Variants in MASP1 observed in about 807,000 individuals in gnomAD.
The protein encoded by MASP1 is mannan-binding lectin serine protease 1.
A neutral mutation model predicts 77.1 loss-of-function variants in MASP1; 59 were observed. The observed-to-expected ratio is 0.77, with a 90% CI of 0.62 to 0.95. MASP1 has a LOEUF of 0.95. Among genes scored for constraint, MASP1 ranks in the 40% least tolerant of loss-of-function variants. The probability of loss-of-function intolerance (pLI) is 0.00; values close to 1 mark genes in which losing one functional copy is unlikely to be tolerated. For missense variants in MASP1, 885 were observed against 912.9 expected, an observed-to-expected ratio of 0.97 and a Z score of 0.39; for synonymous variants, 362 against 354.5, an observed-to-expected ratio of 1.02 and a Z score of -0.24.
At chr3:187,250,370 G>A in intron 7 of MASP1, 41 bp from the exon 8 acceptor site, 1 of 1,470,952 alleles carries the variant, frequency 6.8e-7, no homozygotes, top group South Asian at 1.1e-5. Flanking sequence ...AGAAGGAGGT[G>A]GGGGTGGTGT....
intron 14 of MASP1, among the ~76,000 whole-genome samples, chr3:187,222,504 G>A (rs962868018): frequency 6.6e-6 from 1 of 152,152 alleles, no homozygotes; most frequent in African/African-American, 2.4e-5. Context: ...GTCAGTCATA[G>A]GCCCCGGTGA....
At chr3:187,284,032 T>C (rs1304537112) in intron 2 of MASP1, among the ~76,000 whole-genome samples, 2 of 152,196 alleles carry the variant, frequency 1.3e-5, no homozygotes, top group African/African-American at 4.8e-5. Context: ...TGGTTGATCC[T>C]TGTGACCCTG....
intron 3 of MASP1, among the ~76,000 whole-genome samples, chr3:187,261,531 A>AC (rs1259721995): frequency 3.9e-5 from 6 of 152,230 alleles, no homozygotes; most frequent in Non-Finnish European, 7.3e-5. Context: ...GTACCACTAC[A>AC]TACTCACCAG....
intron 4 of MASP1, among the ~76,000 whole-genome samples, chr3:187,259,292 T>C (rs576506384): frequency 2.6e-5 from 4 of 152,330 alleles, no homozygotes; most frequent in African/African-American, 9.6e-5. Context: ...AGCTATGAGC[T>C]GCAGGACAAG....
chr3:187,221,459 A>G (rs1047318569), intron 14 of MASP1, among the ~76,000 whole-genome samples: 3 of 152,226 alleles, frequency 2.0e-5, no homozygotes, highest in African/African-American at 7.2e-5. Context: ...CAATAGGACA[A>G]TGTATACAAA....
Position 187,236,208 on chromosome 3 carries a change from C to T in MASP1, c.1663G>A (p.Ala555Thr). 6.2e-7 allele frequency: 1 copy of T among 1,614,194 alleles called. No homozygotes were observed. Among genetic ancestry groups the T allele is most frequent in the Non-Finnish European group, 8.5e-7 (1 of 1,180,046 alleles). Reference sequence around the variant, plus strand: ...ACAGGCTCCTGCAGCTGCACCAGAGCTATATCGTGGTTGTAGTTTTGGATG... The same window carrying T: ...ACAGGCTCCTGCAGCTGCACCAGAGTTATATCGTGGTTGTAGTTTTGGATG... Reference protein sequence around the residue: ...FNIQNYNHDIALVQLQEPVPL... With the variant: ...FNIQNYNHDITLVQLQEPVPL... Residue 555 changes from alanine to threonine, a missense_variant, in exon 11 of 11, where the codon GCT (alanine) becomes ACT (threonine). Ala to Thr is a moderately conservative substitution (Grantham distance 58, BLOSUM62 0). Transcript: ENST00000296280.
At chr3:187,246,059 C>T (rs931582461) in intron 8 of MASP1, among the ~76,000 whole-genome samples, 1 of 152,174 alleles carries the variant, frequency 6.6e-6, no homozygotes, top group Admixed American at 6.5e-5. Flanking sequence ...CAGTGTGCTC[C>T]CCTGCTGCCT....
intron 8 of MASP1, 147 bp from the exon 9 acceptor site, chr3:187,243,768 G>T: frequency 1.0e-6 from 1 of 958,278 alleles, no homozygotes; most frequent in Non-Finnish European, 1.7e-6. Context: ...GGGCACCCCT[G>T]GGGTGTGCAG....
chr3:187,236,390 G>A lies in MASP1; in HGVS notation c.1481C>T (p.Thr494Ile), dbSNP rs1713184234. ...CTGGGAGCGCAGCACATGAGCTGCT[G>A]TGAGGATCCAGGACGCAGAGAGCAG... Reference protein sequence around the residue: ...GALLSASWILTAAHVLRSQRR... With the variant: ...GALLSASWILIAAHVLRSQRR... Residue 494 changes from threonine to isoleucine, a missense_variant, in exon 11 of 11, where the codon ACA becomes ATA. Physicochemically the swap from Thr to Ile is moderately conservative, Grantham distance 89 (BLOSUM62 -1). Coordinates refer to ENST00000296280, the MANE Select transcript of MASP1 (RefSeq NM_139125.4). 3.7e-6 allele frequency: 6 copies of A among 1,614,136 alleles called. No homozygotes were observed. The highest frequency in any genetic ancestry group is 2.2e-5 in the South Asian group (2 of 91,086).
chr3:187,283,784 T>C (rs550117984), intron 2 of MASP1, among the ~76,000 whole-genome samples: 2 of 152,230 alleles, frequency 1.3e-5, no homozygotes, highest in East Asian at 1.9e-4. Flanking sequence ...GTAATTTTTC[T>C]TCCGGTTAAG....
Position 187,256,741 on chromosome 3 carries a change from T to C in MASP1, c.667A>G (p.Met223Val), listed in dbSNP as rs769010316. ...ATGTCCTCAAACTGCAGGTTGACCA[T>C]GAAACCCTCCTCCAGCTCGATGGTA... ...LYTIELEEGF[M>V]VNLQFEDIFD... Residue 223 changes from methionine (M) to valine (V), a missense_variant, in exon 5 of 11, where the codon ATG becomes GTG. Coordinates refer to ENST00000296280, the MANE Select transcript of MASP1 (RefSeq NM_139125.4). 1 of 1,613,992 alleles carries C rather than the reference T, an allele frequency of 6.2e-7. No homozygotes were observed.
chr3:187,234,576 G>T lies in MASP1; in HGVS notation c.*1108C>A. ...CACTGCCTGCCATGGGTGAGCCTCTGATTCCTTTGACTCTGAAAAATGAAG... is the reference window on the plus strand; with the variant it reads ...CACTGCCTGCCATGGGTGAGCCTCTTATTCCTTTGACTCTGAAAAATGAAG... On this transcript the variant is annotated 3_prime_UTR_variant, in exon 11 of 11. Transcript: ENST00000296280. The T allele has an allele frequency of 4.7e-6, 6 of 1,287,252 alleles. No individual in the cohort carries two copies. The highest frequency in any genetic ancestry group is 5.1e-6 in the Non-Finnish European group (5 of 988,698). The allele number at this position is 1,287,252 out of a possible 1,614,324, so 79.7% of individuals were successfully genotyped here.
chr3:187,287,434 C>T (rs1320349381), intron 1 of MASP1, among the ~76,000 whole-genome samples: 7 of 152,232 alleles, frequency 4.6e-5, no homozygotes, highest in Admixed American at 3.3e-4. Context: ...GCCACTGCTC[C>T]CTGCACATTT....
chr3:187,239,771 A>G (rs1394156044), intron 10 of MASP1, among the ~76,000 whole-genome samples: 1 of 152,124 alleles, frequency 6.6e-6, no homozygotes, highest in Non-Finnish European at 1.5e-5. Context: ...CTTATTCCAC[A>G]TCCTCATAAG....
At chr3:187,286,537 C>T (rs1283922706) in intron 1 of MASP1, among the ~76,000 whole-genome samples, 1 of 152,124 alleles carries the variant, frequency 6.6e-6, no homozygotes, top group Admixed American at 6.5e-5. Context: ...TCAAAGTATG[C>T]AAAATCTTTA....
At chr3:187,275,977 C>G (rs141066418) in intron 2 of MASP1, among the ~76,000 whole-genome samples, 1 of 152,106 alleles carries the variant, frequency 6.6e-6, no homozygotes, top group East Asian at 1.9e-4. Flanking sequence ...ATCCCGCCCC[C>G]CATCTGTACC....
rs747964071 is a variant in MASP1 at position 187,260,820 on chromosome 3, G to A, written c.468C>T (p.Tyr156=). Reference sequence around the variant, plus strand: ...AGTAGCCGCCAATGTAGTTGTGGCAGTAGTGGTCACAGGACAGCTCCTCGT... The same window carrying A: ...AGTAGCCGCCAATGTAGTTGTGGCAATAGTGGTCACAGGACAGCTCCTCGT... ...REDEELSCDH[Y]CHNYIGGYYC... The change falls in exon 4 of 11, where the codon TAC becomes TAT. Residue 156 remains tyrosine, a synonymous_variant. Transcript: ENST00000296280. The A allele has an allele frequency of 1.9e-6, 3 of 1,614,164 alleles. No homozygotes were observed. The South Asian group carries it at 3.3e-5, about 18-fold the overall frequency.
At chr3:187,218,357 A>T (rs987116040) in exon 16 of MASP1, 3 of 152,526 alleles carry the variant, frequency 2.0e-5, no homozygotes, top group Non-Finnish European at 4.4e-5. Context: ...TTGAAATGGG[A>T]AGATATGGTG....
intron 2 of MASP1, among the ~76,000 whole-genome samples, chr3:187,281,018 T>G (rs192160921): frequency 1.3e-5 from 2 of 152,318 alleles, no homozygotes; most frequent in East Asian, 3.9e-4. Flanking sequence ...TTAATGAGTA[T>G]AGAATGACAC....
Sources: allele counts gnomAD v4.1 joint callset (sites outside exome capture counted in the v4.1 genomes callset), GRCh38; gene constraint gnomAD v4.1.1; transcripts MANE v1.5; gene names NCBI Gene and HGNC (gene_info 2026-07-23, HGNC 2026-07-21).